MTMR1: variants seen among roughly 807,000 people sequenced by gnomAD.
MTMR1 encodes the protein myotubularin related protein 1.
A neutral mutation model predicts 51.6 loss-of-function variants in MTMR1; 17 were observed. The observed-to-expected ratio is 0.33, with a 90% CI of 0.23 to 0.49. The LOEUF (loss-of-function observed/expected upper bound fraction) is 0.49, where lower values mean the gene tolerates loss of function less well. Among genes scored for constraint, MTMR1 ranks in the 20% least tolerant of loss-of-function variants. The pLI is 0.99. For synonymous variants in MTMR1, 201 were observed against 205.6 expected (o/e 0.98, Z 0.19); for missense variants, 386 against 526.9 (o/e 0.73, Z 2.62).
At chrX:150,706,652 AT>A (rs2041116046) in intron 2 of MTMR1, among the ~76,000 whole-genome samples, 1 of 112,325 alleles carries the variant, frequency 8.9e-6, no homozygotes, top group South Asian at 3.7e-4. Flanking sequence ...TTGTTCATGT[AT>A]TTGGATGATT....
chrX:150,713,041 G>T (rs2041368485), intron 3 of MTMR1: 1 of 697,628 alleles, frequency 1.4e-6, no homozygotes, highest in African/African-American at 2.3e-5. Context: ...TGTGGATTTT[G>T]ATAGTATAAT....
chrX:150,718,801 A>G (rs1273472813), intron 4 of MTMR1, 101 bp downstream of exon 4: 2 of 798,220 alleles, frequency 2.5e-6, no homozygotes, highest in African/African-American at 2.1e-5. Context: ...CCGCCAGACC[A>G]ACTTAATTAG....
Position 150,762,735 on chromosome X carries a change from G to A in MTMR1, c.*6G>A, listed in dbSNP as rs782271011. ...CCGTCCACACCTCGGTCTGATGGGC[G>A]AGGTCAGCCTGCTGCTCCACTGTCT... On this transcript the variant is annotated 3_prime_UTR_variant, in exon 16 of 16. Transcript: ENST00000445323. 35 of 1,159,809 alleles carry A rather than the reference G, an allele frequency of 3.0e-5. No homozygotes were observed. The highest frequency in any genetic ancestry group is 3.8e-5 in the Non-Finnish European group (33 of 868,671).
chrX:150,697,840 T>C (rs2040733780), intron 1 of MTMR1, among the ~76,000 whole-genome samples: 1 of 112,093 alleles, frequency 8.9e-6, no homozygotes, highest in South Asian at 3.7e-4. Context: ...GCATCTGTGC[T>C]GCTGGCTTCA....
At chrX:150,720,252 A>G (rs2041701775) in intron 4 of MTMR1, among the ~76,000 whole-genome samples, 1 of 112,011 alleles carries the variant, frequency 8.9e-6, no homozygotes, top group Non-Finnish European at 1.9e-5. Context: ...TTCACAGTCA[A>G]GGTAACAAAC....
At position 150,727,329 on chromosome X, in the gene MTMR1, T is replaced by C. The variant is rs1430933339; in HGVS notation, c.447+20T>C. ...GAGAGGGTGAGTTTTTTAAAGTGTG[T>C]TTTATTTTAAAAGAAACACTTTTAA... is the stretch of plus-strand genomic sequence containing the variant. On this transcript the variant is annotated intron_variant, in intron 5 of 15. Transcript: ENST00000445323. 1.8e-6 allele frequency: 2 copies of C among 1,138,834 alleles called. No individual in the cohort carries two copies. The highest frequency in any genetic ancestry group is 2.4e-6 in the Non-Finnish European group (2 of 835,792). The allele number at this position is 1,138,834 out of a possible 1,213,427, so 93.9% of individuals were successfully genotyped here.
rs111929745 is a variant in MTMR1 at position 150,718,778 on chromosome X, A to G, written c.352+78A>G. Reference sequence around the variant, plus strand: ...CTTAATTTGCAAGTGGAGGTGATGTATGTGCTGGAGATCCGCCAGACCAAC... The same window carrying G: ...CTTAATTTGCAAGTGGAGGTGATGTGTGTGCTGGAGATCCGCCAGACCAAC... On this transcript the variant is annotated intron_variant, in intron 4 of 15. Transcript: ENST00000445323. 3,563 of 1,018,446 alleles carry G rather than the reference A, an allele frequency of 3.5e-3. 84 individuals are homozygous for G. In the African/African-American group the frequency reaches 0.06, roughly 17 times the overall value. The allele number at this position is 1,018,446 out of a possible 1,213,427, so 83.9% of individuals were successfully genotyped here. A position where few individuals can be genotyped will look rare whatever the true frequency, so the allele number is the denominator to read the frequency against.
chrX:150,720,227 C>T (rs2041701393), intron 4 of MTMR1, among the ~76,000 whole-genome samples: 1 of 111,721 alleles, frequency 9.0e-6, no homozygotes, highest in Admixed American at 9.5e-5. Flanking sequence ...ACGGTGTACA[C>T]CTGAGAAACC....
In MTMR1 at chrX:150,733,812, A is replaced by G. The variant is rs1324700954; in HGVS notation, c.1080+1082A>G. Among the ~76,000 whole-genome samples the G allele has an allele frequency of 1.1e-3, 119 of 111,623 alleles. 11 individuals carry two copies. The highest frequency in any genetic ancestry group is 3.8e-5 in the Non-Finnish European group (2 of 53,129). ...GGTGAGTGCATCCTCAGGGCACAGT[A>G]CATGATGCTGATAAGCTCGCCACCC... is the stretch of plus-strand genomic sequence containing the variant. On this transcript the variant is annotated intron_variant, in intron 10 of 15. Coordinates refer to ENST00000445323, the MANE Select transcript of MTMR1 (RefSeq NM_001306144.3).
intron 10 of MTMR1, chrX:150,736,386 C>T (rs2042270047): frequency 5.3e-6 from 2 of 375,208 alleles, no homozygotes; most frequent in Non-Finnish European, 9.2e-6. Context: ...CTTCCAGCCT[C>T]CAGAACTAGG....
At chrX:150,711,240 T>A (rs782436309) in intron 2 of MTMR1, among the ~76,000 whole-genome samples, 5 of 112,530 alleles carry the variant, frequency 4.4e-5, no homozygotes, top group Non-Finnish European at 7.5e-5. Context: ...TAGTAACTTA[T>A]GTATAGACTT....
At chrX:150,703,879 A>AC (rs1223444469) in intron 2 of MTMR1, among the ~76,000 whole-genome samples, 8 of 81,674 alleles carry the variant, frequency 9.8e-5, no homozygotes, top group South Asian at 1.6e-3. Context: ...AACAGCAATT[A>AC]AATTTTTTTA....
intron 8 of MTMR1, among the ~76,000 whole-genome samples, chrX:150,731,073 C>T (rs781839668): frequency 5.0e-4 from 56 of 112,137 alleles, no homozygotes; most frequent in African/African-American, 1.7e-3. Flanking sequence ...GACGTTGTCT[C>T]TACCTTATAT....
upstream of MTMR1, chrX:150,693,314 C>T (rs2040539712): frequency 6.6e-6 from 2 of 302,358 alleles, no homozygotes; most frequent in Non-Finnish European, 8.8e-6. Context: ...GGCGCCGGCC[C>T]CGCGCGCCGC....
At chrX:150,702,601 A>C (rs185652852) in intron 2 of MTMR1, among the ~76,000 whole-genome samples, 6 of 112,199 alleles carry the variant, frequency 5.3e-5, no homozygotes, top group Non-Finnish European at 9.4e-5. Context: ...ATGAGTTTAG[A>C]TGGTATGTCC....
chrX:150,757,618 C>T (rs1157696892), intron 15 of MTMR1, among the ~76,000 whole-genome samples: 1 of 111,908 alleles, frequency 8.9e-6, no homozygotes, highest in African/African-American at 3.2e-5. Flanking sequence ...CCCCTGTACA[C>T]GCCCTGCCCC....
chrX:150,723,729 C>T (rs1180127864), intron 4 of MTMR1, among the ~76,000 whole-genome samples: 1 of 111,882 alleles, frequency 8.9e-6, no homozygotes, highest in African/African-American at 3.3e-5. Context: ...TCCCTCCTCC[C>T]AACCTTCACC....
intron 4 of MTMR1, among the ~76,000 whole-genome samples, chrX:150,718,918 T>A (rs1187636821): frequency 9.0e-6 from 1 of 110,665 alleles, no homozygotes; most frequent in Non-Finnish European, 1.9e-5. Flanking sequence ...TTGATGGCGT[T>A]CCCAACAGAA....
intron 4 of MTMR1, among the ~76,000 whole-genome samples, chrX:150,726,557 C>T (rs2041942697): frequency 8.9e-6 from 1 of 111,988 alleles, no homozygotes; most frequent in Non-Finnish European, 1.9e-5. Flanking sequence ...TTTGTTGTCT[C>T]ACTTGGACTC....
Sources: allele counts gnomAD v4.1 joint callset (sites outside exome capture counted in the v4.1 genomes callset), GRCh38; gene constraint gnomAD v4.1.1; transcripts MANE v1.5; gene names NCBI Gene and HGNC (gene_info 2026-07-23, HGNC 2026-07-21).